RFC3: variants seen among roughly 807,000 people sequenced by gnomAD.
RFC3 encodes the protein A1 38 kDa subunit.
Under a neutral mutation model 45.1 loss-of-function variants are expected in RFC3, and 41 were observed. That is an observed-to-expected ratio of 0.91 (90% CI 0.71 to 1.18). The LOEUF (loss-of-function observed/expected upper bound fraction) is 1.18, where lower values mean the gene tolerates loss of function less well. Among genes scored for constraint, RFC3 ranks in the 50% most tolerant of loss-of-function variants. The pLI is 0.00. For missense variants in RFC3, 423 were observed against 428.1 expected, an observed-to-expected ratio of 0.99 and a Z score of 0.10; for synonymous variants, 149 against 144.0, an observed-to-expected ratio of 1.03 and a Z score of -0.25.
At chr13:33,889,720 C>T (rs2082551826) in intron 8 of RFC3, among the ~76,000 whole-genome samples, 1 of 152,236 alleles carries the variant, frequency 6.6e-6, no homozygotes, top group Admixed American at 6.5e-5. Flanking sequence ...CAGGCTTCCT[C>T]CAATCCCCAG....
intron 8 of RFC3, among the ~76,000 whole-genome samples, chr13:33,964,436 G>C (rs963409435): frequency 6.6e-6 from 1 of 152,132 alleles, no homozygotes; most frequent in African/African-American, 2.4e-5. Flanking sequence ...TTGAGCCCTG[G>C]ATCCCCAAAT....
intron 7 of RFC3, among the ~76,000 whole-genome samples, chr13:33,834,298 G>GTGTGTATATATATATATATATATA (rs1302839326): frequency 2.1e-4 from 23 of 109,174 alleles, no homozygotes; most frequent in East Asian, 1.2e-3. Context: ...TGTACTGTGT[G>GTGTGTATATATATATATATATATA]TATATATATA....
At chr13:33,828,056 G>A (rs752315247) in intron 4 of RFC3, among the ~76,000 whole-genome samples, 1 of 152,126 alleles carries the variant, frequency 6.6e-6, no homozygotes, top group Non-Finnish European at 1.5e-5. Context: ...GCTGAGGTGG[G>A]AAGATTGCTT....
chr13:33,967,300 C>T (rs904141294), downstream of RFC3, among the ~76,000 whole-genome samples: 1 of 152,084 alleles, frequency 6.6e-6, no homozygotes, highest in African/African-American at 2.4e-5. Context: ...TAGTATTTCC[C>T]ATACTGTATT....
rs2082044370 is a variant in RFC3, at chr13:33,825,847, TCA to T, written c.355_356del (p.Gln119ThrfsTer3). On this transcript the variant is annotated frameshift_variant, in exon 4 of 9. Coordinates refer to ENST00000380071, the MANE Select transcript of RFC3 (RefSeq NM_002915.4). LOFTEE classifies it high-confidence loss of function. ...GGAGATGTTGAAAACAGTGGCACAA[TCA>T]CAACAACTTGAAACAAACTCTCAAA... is the stretch of plus-strand genomic sequence containing the variant. ...IQEMLKTVAQSQQLETNSQRD... is the reference protein window; with the variant it reads ...IQEMLKTVAQXQQLETNSQRD... 1 of 1,608,936 alleles carries T rather than the reference TCA, an allele frequency of 6.2e-7. No individual in the cohort carries two copies. The highest frequency in any genetic ancestry group is 1.7e-5 in the Admixed American group (1 of 59,270).
chr13:33,860,652 G>A (rs940770949), intron 8 of RFC3, among the ~76,000 whole-genome samples: 24 of 152,222 alleles, frequency 1.6e-4, no homozygotes, highest in Middle Eastern at 3.4e-3. Context: ...TTCTTTCCCT[G>A]CAGGCCAAGG....
At chr13:33,909,456 C>T (rs1011301606) in intron 8 of RFC3, among the ~76,000 whole-genome samples, 2 of 152,012 alleles carry the variant, frequency 1.3e-5, no homozygotes, top group African/African-American at 4.8e-5. Flanking sequence ...TTATTCTGCT[C>T]CTCTTCGTCA....
At chr13:33,936,836 T>C (rs2082889685) in intron 8 of RFC3, among the ~76,000 whole-genome samples, 1 of 152,040 alleles carries the variant, frequency 6.6e-6, no homozygotes, top group Non-Finnish European at 1.5e-5. Flanking sequence ...TGAATACAGG[T>C]GCTAGAGGAT....
chr13:33,854,685 T>C (rs140929089), intron 8 of RFC3, among the ~76,000 whole-genome samples: 243 of 152,194 alleles, frequency 1.6e-3, no homozygotes, highest in African/African-American at 5.3e-3. Context: ...GATTAGAGAC[T>C]GAATCTAGGG....
chr13:33,919,305 T>A lies in RFC3; in HGVS notation c.880-46782T>A, dbSNP rs539529111. Among the ~76,000 whole-genome samples the A allele has an allele frequency of 1.7e-3, 259 of 152,120 alleles. 1 individual carries two copies. The highest frequency in any genetic ancestry group is 6.0e-3 in the African/African-American group (250 of 41,456). Reference sequence around the variant, plus strand: ...TGCACCAGCAAATCCATTTTTTTTTTAATGATGCTAATTGTGGTTGTCATG... The same window carrying A: ...TGCACCAGCAAATCCATTTTTTTTTAAATGATGCTAATTGTGGTTGTCATG... On this transcript the variant is annotated intron_variant, in intron 8 of 8. Coordinates refer to the RFC3 transcript ENST00000434425.
chr13:33,931,900 A>G (rs1435830882), intron 8 of RFC3, among the ~76,000 whole-genome samples: 2 of 151,876 alleles, frequency 1.3e-5, no homozygotes, highest in African/African-American at 4.8e-5. Context: ...ACAGCATATT[A>G]TTTTCCTAAG....
chr13:33,860,409 T>C (rs2082333592), intron 8 of RFC3, among the ~76,000 whole-genome samples: 1 of 152,138 alleles, frequency 6.6e-6, no homozygotes, highest in East Asian at 1.9e-4. Context: ...TTTAAAGACA[T>C]CTACCTTTGA....
At chr13:33,926,446 T>G (rs975931329) in intron 8 of RFC3, among the ~76,000 whole-genome samples, 3 of 152,116 alleles carry the variant, frequency 2.0e-5, no homozygotes, top group Non-Finnish European at 4.4e-5. Flanking sequence ...CACATTAAAT[T>G]TGAATATTCC....
intron 8 of RFC3, among the ~76,000 whole-genome samples, chr13:33,882,684 C>A (rs1320694507): frequency 6.6e-6 from 1 of 152,164 alleles, no homozygotes; most frequent in Non-Finnish European, 1.5e-5. Flanking sequence ...GTTTAAGCCA[C>A]CCAATCTTTT....
chr13:33,940,914 C>T (rs1445054245), intron 8 of RFC3, among the ~76,000 whole-genome samples: 1 of 152,124 alleles, frequency 6.6e-6, no homozygotes, highest in East Asian at 1.9e-4. Flanking sequence ...TATATTTATC[C>T]ACATATTTAC....
chr13:33,968,623 A>G (rs1428261201), downstream of RFC3, among the ~76,000 whole-genome samples: 1 of 152,220 alleles, frequency 6.6e-6, no homozygotes, highest in Non-Finnish European at 1.5e-5. Flanking sequence ...AATCAGTAGA[A>G]TAATTAGTAT....
chr13:33,920,717 T>TG (rs1317303597), intron 8 of RFC3, among the ~76,000 whole-genome samples: 1 of 152,094 alleles, frequency 6.6e-6, no homozygotes, highest in Non-Finnish European at 1.5e-5. Flanking sequence ...ATTACAGGTG[T>TG]GAGCCACTGC....
At chr13:33,834,374 T>C (rs1320837845) in intron 7 of RFC3, among the ~76,000 whole-genome samples, 1 of 145,948 alleles carries the variant, frequency 6.9e-6, no homozygotes, top group East Asian at 2.0e-4. Flanking sequence ...TAAGAATGTG[T>C]ATTTGGAACT....
rs1013966470 is a variant in RFC3 at position 33,901,495 on chromosome 13, A to G, written c.880-64592A>G. On this transcript the variant is annotated intron_variant, in intron 8 of 8. Coordinates refer to the RFC3 transcript ENST00000434425. ...TATATCAGCTAAAAATGTGGGTATC[A>G]TGGAGATAGAGAGTAGACTGGCAGT... Among the ~76,000 whole-genome samples, 45 of 152,054 alleles carry G rather than the reference A, an allele frequency of 3.0e-4. 1 individual carries two copies. Among genetic ancestry groups the G allele is most frequent in the Non-Finnish European group, 5.9e-5 (4 of 67,954 alleles).
Sources: allele counts gnomAD v4.1 joint callset (sites outside exome capture counted in the v4.1 genomes callset), GRCh38; gene constraint gnomAD v4.1.1; transcripts MANE v1.5; gene names NCBI Gene and HGNC (gene_info 2026-07-23, HGNC 2026-07-21).